The following TRPM1 variants were observed in gnomAD, a reference collection of about 807,000 sequenced individuals.
TRPM1 encodes the protein transient receptor potential cation channel subfamily M member 1.
TRPM1 carries 113 observed loss-of-function variants against 149.4 expected under a neutral mutation model. The ratio of observed to expected loss-of-function variants is 0.76; its 90% CI spans 0.65 to 0.88. The LOEUF is 0.88. TRPM1 is among the 40% of genes least tolerant of loss of function. The probability of loss-of-function intolerance (pLI) is 0.00; values close to 1 mark genes in which losing one functional copy is unlikely to be tolerated. For synonymous variants in TRPM1, 741 were observed against 759.5 expected (o/e 0.98, Z 0.40); for missense variants, 1,976 against 2,038.7 (o/e 0.97, Z 0.59).
intron 1 of TRPM1, among the ~76,000 whole-genome samples, chr15:31,084,130 A>T (rs1306034401): frequency 6.6e-6 from 1 of 152,120 alleles, no homozygotes; most frequent in Non-Finnish European, 1.5e-5. Context: ...CCTCCTCTAG[A>T]CTAGAGTCCA....
intron 12 of TRPM1, 121 bp from the exon 13 acceptor site, chr15:31,049,630 G>T: frequency 1.8e-6 from 2 of 1,129,502 alleles, no homozygotes; most frequent in Non-Finnish European, 2.7e-6. Flanking sequence ...CTCCAGCATG[G>T]TACTCTTTGC....
intron 3 of TRPM1, among the ~76,000 whole-genome samples, chr15:31,075,850 A>T (rs1315683316): frequency 6.6e-6 from 1 of 150,946 alleles, no homozygotes; most frequent in Non-Finnish European, 1.5e-5. Flanking sequence ...GATCATTTCC[A>T]AGGGTTTAAA....
chr15:31,130,073 A>C (rs574917324), intron 1 of TRPM1, among the ~76,000 whole-genome samples: 1 of 152,274 alleles, frequency 6.6e-6, no homozygotes, highest in East Asian at 1.9e-4. Flanking sequence ...GGAAGTAGCC[A>C]CTGCTCAGAG....
intron 4 of TRPM1, among the ~76,000 whole-genome samples, chr15:31,068,855 G>T (rs2034454648): frequency 6.6e-6 from 1 of 150,632 alleles, no homozygotes; most frequent in South Asian, 2.1e-4. Context: ...ATGGGCCCTC[G>T]CCAGGCACCA....
rs140536128 is a variant in TRPM1 at position 31,125,133 on chromosome 15, G to A, written c.54+35773C>T. 2.6e-3 allele frequency among the ~76,000 whole-genome samples: 400 copies of A among 152,190 alleles called. 3 individuals are homozygous for A. Among genetic ancestry groups the A allele is most frequent in the African/African-American group, 9.4e-3 (391 of 41,520 alleles). ...GAGGAGGTTGCAGTGAACCAAGAACGTGTCACTGTACTCCAGCCTGGGTGA... is the reference window on the plus strand; with the variant it reads ...GAGGAGGTTGCAGTGAACCAAGAACATGTCACTGTACTCCAGCCTGGGTGA... On this transcript the variant is annotated intron_variant, in intron 1 of 26. Coordinates refer to the TRPM1 transcript ENST00000542188.
At chr15:31,063,420 G>T in intron 7 of TRPM1, 128 bp from the exon 8 acceptor site, 1 of 1,180,730 alleles carries the variant, frequency 8.5e-7, no homozygotes, top group Non-Finnish European at 1.3e-6. Context: ...TGGCTGGAAG[G>T]AATTCAGGCA....
chr15:31,122,444 C>T (rs2035893330), intron 1 of TRPM1, among the ~76,000 whole-genome samples: 1 of 152,118 alleles, frequency 6.6e-6, no homozygotes, highest in South Asian at 2.1e-4. Flanking sequence ...TCCAAAGAAT[C>T]AACCAAAAAA....
Position 31,081,397 on chromosome 15 carries a change from G to A in TRPM1, c.-42C>T, listed in dbSNP as rs1374332772. Reference sequence around the variant, plus strand: ...GATATAAGGAAATAGCCTCAGTCCAGCACTGCAAGTTACTGCTGAGTCCTC... The same window carrying A: ...GATATAAGGAAATAGCCTCAGTCCAACACTGCAAGTTACTGCTGAGTCCTC... On this transcript the variant is annotated 5_prime_UTR_variant, in exon 2 of 28. Coordinates refer to ENST00000256552, the MANE Select transcript of TRPM1 (RefSeq NM_001252024.2). 2.0e-6 allele frequency: 3 copies of A among 1,534,938 alleles called. No individual in the cohort carries two copies. In the Admixed American group the frequency reaches 5.9e-5, roughly 30 times the overall value.
chr15:31,047,964 T>A (rs372519136), intron 13 of TRPM1, 25 bp from the exon 14 acceptor site: 3 of 1,611,232 alleles, frequency 1.9e-6, no homozygotes, highest in Non-Finnish European at 2.5e-6. Flanking sequence ...TTCATGTGTG[T>A]TAAATATGTT....
intron 7 of TRPM1, among the ~76,000 whole-genome samples, chr15:31,064,309 T>G (rs2034311905): frequency 6.6e-6 from 1 of 152,238 alleles, no homozygotes; most frequent in Non-Finnish European, 1.5e-5. Flanking sequence ...TAGTGGCCCA[T>G]CAGTTAATGA....
At chr15:31,096,163 G>C (rs2035381064) in intron 1 of TRPM1, among the ~76,000 whole-genome samples, 1 of 151,040 alleles carries the variant, frequency 6.6e-6, no homozygotes, top group African/African-American at 2.4e-5. Context: ...AGGAAGGGAG[G>C]GAAAAAGAGA....
intron 1 of TRPM1, among the ~76,000 whole-genome samples, chr15:31,097,362 C>T (rs999637815): frequency 1.3e-5 from 2 of 152,146 alleles, no homozygotes; most frequent in Admixed American, 6.5e-5. Context: ...AAGGGAACAA[C>T]GTCCAAACCC....
intron 1 of TRPM1, among the ~76,000 whole-genome samples, chr15:31,128,572 T>C (rs1399019934): frequency 6.6e-6 from 1 of 152,100 alleles, no homozygotes; most frequent in Non-Finnish European, 1.5e-5. Context: ...TGCTCACAAC[T>C]GGGGGAGACG....
At chr15:31,036,320 A>C (rs1237667930) in intron 20 of TRPM1, among the ~76,000 whole-genome samples, 3 of 152,154 alleles carry the variant, frequency 2.0e-5, no homozygotes, top group African/African-American at 7.2e-5. Flanking sequence ...CCAGTGATTC[A>C]CCATGATGCC....
chr15:31,118,480 T>C (rs1380276538), intron 1 of TRPM1, among the ~76,000 whole-genome samples: 3 of 151,408 alleles, frequency 2.0e-5, no homozygotes, highest in Non-Finnish European at 4.4e-5. Flanking sequence ...GTTCAAACTA[T>C]AGAAAACCAA....
At chr15:31,095,707 T>C (rs2035361140) in intron 1 of TRPM1, among the ~76,000 whole-genome samples, 1 of 148,778 alleles carries the variant, frequency 6.7e-6, no homozygotes. Context: ...TAAATAAATA[T>C]AAAAAATATG....
chr15:31,102,794 G>A (rs948424631), upstream of TRPM1, among the ~76,000 whole-genome samples: 4 of 152,374 alleles, frequency 2.6e-5, no homozygotes, highest in African/African-American at 9.6e-5. Context: ...GAGTGGGCGT[G>A]CAAAGGGTCT....
intron 11 of TRPM1, among the ~76,000 whole-genome samples, chr15:31,056,416 A>C (rs967865101): frequency 6.6e-6 from 1 of 152,222 alleles, no homozygotes; most frequent in African/African-American, 2.4e-5. Flanking sequence ...TAGAAGATAC[A>C]TCCTTGTGAA....
chr15:31,103,401 C>T (rs946872995), upstream of TRPM1, among the ~76,000 whole-genome samples: 12 of 152,186 alleles, frequency 7.9e-5, no homozygotes, highest in South Asian at 2.1e-4. Context: ...AAAATATACA[C>T]GGGATTGCCA....
Sources: gnomAD v4.1 joint callset for allele counts (sites outside exome capture counted in the v4.1 genomes callset) on GRCh38, gnomAD v4.1.1 for gene constraint, MANE v1.5 for transcripts, NCBI Gene and HGNC (gene_info 2026-07-23, HGNC 2026-07-21) for gene names.